CUX1: variants seen among roughly 807,000 people sequenced by gnomAD.
The protein encoded by CUX1 is protein CASP.
CUX1 carries 31 observed loss-of-function variants against 158.8 expected under a neutral mutation model. The observed-to-expected ratio is 0.20, with a 90% CI of 0.15 to 0.26. CUX1 has a LOEUF of 0.26. CUX1 is among the 10% of genes least tolerant of loss of function. CUX1 has a pLI of 1.00. For missense variants in CUX1, 1,589 were observed against 2,014.6 expected (o/e 0.79, Z 4.04); for synonymous variants, 879 against 862.1 (o/e 1.02, Z -0.34).
chr7:101,846,026 T>C (rs1795658525), intron 1 of CUX1, among the ~76,000 whole-genome samples: 1 of 149,512 alleles, frequency 6.7e-6, no homozygotes, highest in Admixed American at 6.7e-5. Flanking sequence ...AAAGAAAAAA[T>C]GCAGGCTCTC....
intron 3 of CUX1, among the ~76,000 whole-genome samples, chr7:102,068,286 T>G (rs1466582260): frequency 1.3e-5 from 2 of 151,916 alleles, no homozygotes; most frequent in Non-Finnish European, 2.9e-5. Context: ...AAAATTTTTA[T>G]TTTTAAATTT....
rs111860488 is a variant in CUX1 at position 102,159,177 on chromosome 7, G to A, written c.723+569G>A. 6.9e-3 allele frequency among the ~76,000 whole-genome samples: 1,050 copies of A among 151,252 alleles called. 4 individuals carry two copies. The highest frequency in any genetic ancestry group is 0.011 in the Non-Finnish European group (725 of 67,550). ...GACATCTCACCACGGTGTTATCCTC[G>A]GAGAGTTCCTTAGTGTAGACATCTC... On this transcript the variant is annotated intron_variant, in intron 9 of 23. Transcript: ENST00000292535.
intron 8 of CUX1, among the ~76,000 whole-genome samples, chr7:102,151,981 A>T (rs1835737643): frequency 6.6e-6 from 1 of 152,088 alleles, no homozygotes; most frequent in Admixed American, 6.6e-5. Context: ...CTAAGGCAGG[A>T]GGATCGCTTC....
chr7:101,968,276 A>G (rs1052843095), intron 2 of CUX1, among the ~76,000 whole-genome samples: 3 of 152,162 alleles, frequency 2.0e-5, no homozygotes, highest in African/African-American at 7.2e-5. Flanking sequence ...GGGAGTTCCT[A>G]TATCAAAAGT....
intron 2 of CUX1, among the ~76,000 whole-genome samples, chr7:101,980,744 C>T (rs1302277811): frequency 6.6e-6 from 1 of 152,168 alleles, no homozygotes; most frequent in African/African-American, 2.4e-5. Context: ...AACTCTGTGA[C>T]CCCCGGCCCA....
At chr7:101,837,828 C>CA (rs200090006) in intron 1 of CUX1, among the ~76,000 whole-genome samples, 559 of 44,372 alleles carry the variant, frequency 0.013, 54 homozygotes, top group Non-Finnish European at 0.013. Context: ...GAGACCCTGT[C>CA]AAAAAAAAAA....
intron 6 of CUX1, 89 bp from the exon 7 acceptor site, chr7:102,111,609 G>A: frequency 5.7e-6 from 7 of 1,224,382 alleles, no homozygotes; most frequent in Middle Eastern, 1.9e-4. Context: ...GCTGAGCGCA[G>A]GGAGGGAGCT....
chr7:102,200,154 C>G lies in CUX1; in HGVS notation c.2044C>G (p.Leu682Val), dbSNP rs782398606. 1 of 1,610,114 alleles carries G rather than the reference C, an allele frequency of 6.2e-7. No homozygotes were observed. Among genetic ancestry groups the G allele is most frequent in the Non-Finnish European group, 8.5e-7 (1 of 1,178,690 alleles). ...KSILEQAKRE[L>V]QVQKTAEPAQ... ...CATCCTAGAGCAAGCCAAGAGGGAG[C>G]TCCAAGTGCAGAAAACTGGTACAGC... Residue 682 changes from leucine to valine, a missense_variant, in exon 17 of 24, where the codon CTC (leucine) becomes GTC (valine). This residue lies in a region of CUX1 where 337 missense variants were observed against 409.3 expected (regional missense o/e 0.82). Coordinates refer to ENST00000292535, the MANE Select transcript of CUX1 (RefSeq NM_181552.4).
At chr7:102,140,976 G>A (rs914329971) in intron 8 of CUX1, among the ~76,000 whole-genome samples, 1 of 151,806 alleles carries the variant, frequency 6.6e-6, no homozygotes, top group Non-Finnish European at 1.5e-5. Context: ...TCTAAGTATT[G>A]TGAACTTCCT....
intron 20 of CUX1, among the ~76,000 whole-genome samples, chr7:102,214,222 C>G (rs1199461699): frequency 6.6e-6 from 1 of 151,876 alleles, no homozygotes; most frequent in Non-Finnish European, 1.5e-5. Context: ...GTGATTTGCC[C>G]CAATCAAGAA....
intron 1 of CUX1, chr7:101,822,320 G>A (rs1349333733): frequency 6.6e-6 from 1 of 152,256 alleles, no homozygotes; most frequent in Admixed American, 6.5e-5. Flanking sequence ...TCCTGCTGAG[G>A]ACAGCTAAGG....
chr7:102,164,314 C>T (rs1554508046), intron 9 of CUX1, among the ~76,000 whole-genome samples: 1 of 152,244 alleles, frequency 6.6e-6, no homozygotes, highest in Non-Finnish European at 1.5e-5. Context: ...TGAGCTACTG[C>T]GCCCGGCTTT....
intron 2 of CUX1, among the ~76,000 whole-genome samples, chr7:101,966,494 G>A (rs1811229163): frequency 6.6e-6 from 1 of 152,010 alleles, no homozygotes; most frequent in Non-Finnish European, 1.5e-5. Context: ...TGCTTGATGT[G>A]GGCTTGTCTT....
chr7:102,004,533 G>C (rs1817085637), intron 2 of CUX1, among the ~76,000 whole-genome samples: 1 of 152,184 alleles, frequency 6.6e-6, no homozygotes, highest in South Asian at 2.1e-4. Context: ...TTCATTCCAA[G>C]AGTGTTCTGG....
intron 2 of CUX1, among the ~76,000 whole-genome samples, chr7:101,999,882 G>A (rs755512416): frequency 1.3e-5 from 2 of 151,916 alleles, no homozygotes; most frequent in African/African-American, 2.4e-5. Flanking sequence ...AGTGGCATGC[G>A]TGCGTGTGTG....
chr7:102,136,632 G>A (rs1425484745), intron 8 of CUX1, among the ~76,000 whole-genome samples: 2 of 152,080 alleles, frequency 1.3e-5, no homozygotes, highest in Non-Finnish European at 2.9e-5. Context: ...GTCATGATCC[G>A]CCCACCTTGG....
At chr7:102,246,210 A>G (rs9690066) in intron 23 of CUX1, among the ~76,000 whole-genome samples, 30,146 of 151,700 alleles carry the variant, frequency 0.2, 3,609 homozygotes, top group Non-Finnish European at 0.27. Flanking sequence ...GGAGAGTTTC[A>G]CCCCAACTAG....
upstream of CUX1, chr7:101,816,060 A>G (rs1030454885): frequency 4.2e-6 from 6 of 1,424,532 alleles, no homozygotes; most frequent in Non-Finnish European, 5.6e-6. Flanking sequence ...CGATGTTTCA[A>G]TATTGGAAGC....
At chr7:102,101,904 T>G (rs1554486529) in intron 5 of CUX1, among the ~76,000 whole-genome samples, 2 of 121,980 alleles carry the variant, frequency 1.6e-5, no homozygotes, top group Non-Finnish European at 3.4e-5. Context: ...AGAGCGAGTA[T>G]CTGTCTCAAT....
Sources: gnomAD v4.1 joint callset for allele counts (sites outside exome capture counted in the v4.1 genomes callset) on GRCh38, gnomAD v4.1.1 for gene constraint, gnomAD v4.1.1 regional missense constraint, MANE v1.5 for transcripts, NCBI Gene and HGNC (gene_info 2026-07-23, HGNC 2026-07-21) for gene names.